Variants in PRKAG2 observed in about 807,000 individuals in gnomAD.
PRKAG2 encodes protein kinase AMP-activated non-catalytic subunit gamma 2.
A neutral mutation model predicts 69.6 loss-of-function variants in PRKAG2; 26 were observed. The observed-to-expected ratio is 0.37, with a 90% CI of 0.27 to 0.52. The LOEUF (loss-of-function observed/expected upper bound fraction) is 0.52, where lower values mean the gene tolerates loss of function less well. PRKAG2 is among the 20% of genes least tolerant of loss of function. PRKAG2 has a pLI of 0.90. For synonymous variants in PRKAG2, 293 were observed against 285.0 expected, an observed-to-expected ratio of 1.03 and a Z score of -0.28; for missense variants, 557 against 740.0, an observed-to-expected ratio of 0.75 and a Z score of 2.87.
At chr7:151,830,787 C>CAG (rs2079006893) in intron 1 of PRKAG2, among the ~76,000 whole-genome samples, 2 of 114,422 alleles carry the variant, frequency 1.7e-5, no homozygotes, top group African/African-American at 7.6e-5. Context: ...GGGGGCGGGG[C>CAG]GGGGGGGGGT....
At chr7:151,765,292 A>G (rs1314322546) in intron 3 of PRKAG2, among the ~76,000 whole-genome samples, 1 of 152,246 alleles carries the variant, frequency 6.6e-6, no homozygotes, top group Non-Finnish European at 1.5e-5. Flanking sequence ...CAGGAAGGAA[A>G]GAGTGAAGGG....
chr7:151,861,301 C>G (rs188708745), intron 1 of PRKAG2, among the ~76,000 whole-genome samples: 1 of 152,034 alleles, frequency 6.6e-6, no homozygotes, highest in Non-Finnish European at 1.5e-5. Context: ...GAGGCTGAGG[C>G]GGGTGCATCA....
chr7:151,645,907 G>T (rs1223115696), intron 4 of PRKAG2, among the ~76,000 whole-genome samples: 2 of 152,118 alleles, frequency 1.3e-5, no homozygotes, highest in Admixed American at 6.5e-5. Flanking sequence ...AAGGGTTGAG[G>T]TTCATATTTT....
intron 11 of PRKAG2, among the ~76,000 whole-genome samples, chr7:151,566,394 T>C (rs530051959): frequency 6.6e-6 from 1 of 152,274 alleles, no homozygotes; most frequent in African/African-American, 2.4e-5. Flanking sequence ...TGAATTCTCC[T>C]TGGAGAGCTC....
intron 1 of PRKAG2, among the ~76,000 whole-genome samples, chr7:151,862,486 C>G (rs901837799): frequency 3.3e-5 from 5 of 152,160 alleles, no homozygotes; most frequent in African/African-American, 1.2e-4. Context: ...AAAGACGGCC[C>G]CCATTTTCTT....
intron 3 of PRKAG2, among the ~76,000 whole-genome samples, chr7:151,717,537 C>T (rs1796371437): frequency 6.6e-6 from 1 of 152,178 alleles, no homozygotes; most frequent in African/African-American, 2.4e-5. Flanking sequence ...AAACAGGTGG[C>T]TCCAGATGCC....
chr7:151,740,288 G>A (rs987200853), intron 3 of PRKAG2, among the ~76,000 whole-genome samples: 2 of 152,174 alleles, frequency 1.3e-5, no homozygotes, highest in Non-Finnish European at 2.9e-5. Flanking sequence ...GGGTTGCTCT[G>A]GCCTTGCTGT....
chr7:151,728,664 C>T (rs1021057663), intron 3 of PRKAG2, among the ~76,000 whole-genome samples: 1 of 152,198 alleles, frequency 6.6e-6, no homozygotes, highest in African/African-American at 2.4e-5. Flanking sequence ...CGCTGCAGTC[C>T]TGGAATTGTT....
chr7:151,673,436 T>A (rs1426299038), intron 4 of PRKAG2, among the ~76,000 whole-genome samples: 2 of 152,148 alleles, frequency 1.3e-5, no homozygotes, highest in Non-Finnish European at 2.9e-5. Context: ...TTCTCCCTCC[T>A]GTAGGGCCGA....
chr7:151,606,729 G>A (rs1563241882), intron 5 of PRKAG2, among the ~76,000 whole-genome samples: 4 of 152,022 alleles, frequency 2.6e-5, no homozygotes, highest in Admixed American at 6.6e-5. Flanking sequence ...CTGAGGTAGA[G>A]GAACGGCTGG....
intron 3 of PRKAG2, among the ~76,000 whole-genome samples, chr7:151,717,475 A>T (rs1796365264): frequency 6.6e-6 from 1 of 152,202 alleles, no homozygotes; most frequent in Non-Finnish European, 1.5e-5. Context: ...TTTCTGGAGA[A>T]ACGCCAGGTG....
chr7:151,640,027 T>G (rs1014657863), intron 4 of PRKAG2, among the ~76,000 whole-genome samples: 1 of 152,162 alleles, frequency 6.6e-6, no homozygotes, highest in African/African-American at 2.4e-5. Flanking sequence ...AAATGTAGTC[T>G]TGGCCAGGCA....
intron 1 of PRKAG2, among the ~76,000 whole-genome samples, chr7:151,801,661 T>C (rs1586599188): frequency 1.3e-5 from 2 of 152,208 alleles, no homozygotes; most frequent in Non-Finnish European, 1.5e-5. Flanking sequence ...GGTTTTCTTA[T>C]TTTTGGTGTT....
intron 1 of PRKAG2, among the ~76,000 whole-genome samples, chr7:151,794,467 G>A (rs905262911): frequency 2.0e-5 from 3 of 152,264 alleles, no homozygotes; most frequent in East Asian, 3.8e-4. Flanking sequence ...ACCAGAGGAC[G>A]TCATCAAAGG....
At chr7:151,655,066 T>C (rs536075970) in intron 4 of PRKAG2, among the ~76,000 whole-genome samples, 210 of 152,336 alleles carry the variant, frequency 1.4e-3, no homozygotes, top group Middle Eastern at 0.01. Flanking sequence ...GGGACTCAAA[T>C]GACAAGTATT....
rs904765791 is a variant in PRKAG2, at chr7:151,876,671, T to A, written c.-51A>T. The A allele has an allele frequency of 6.5e-7, 1 of 1,547,436 alleles. No individual in the cohort carries two copies. The highest frequency in any genetic ancestry group is 1.4e-5 in the African/African-American group (1 of 73,670). On this transcript the variant is annotated 5_prime_UTR_variant, in exon 1 of 16. Coordinates refer to ENST00000287878, the MANE Select transcript of PRKAG2 (RefSeq NM_016203.4). ...GAAACTCCTCGGGGGTTCGGTCCCC[T>A]CCTTCCCTCCCCCGGCCGCTGCCTT...
At chr7:151,792,306 A>T (rs756667536) in intron 1 of PRKAG2, among the ~76,000 whole-genome samples, 7 of 152,230 alleles carry the variant, frequency 4.6e-5, no homozygotes, top group Non-Finnish European at 1.0e-4. Flanking sequence ...TGCAAGGAAC[A>T]GGAAAGTCTA....
At chr7:151,867,659 CT>C (rs1013331849) in intron 1 of PRKAG2, among the ~76,000 whole-genome samples, 1 of 152,038 alleles carries the variant, frequency 6.6e-6, no homozygotes, top group Non-Finnish European at 1.5e-5. Context: ...GGACTTCGAC[CT>C]TTTTTTTGGA....
Position 151,832,212 on chromosome 7 carries a change from A to AGAGGAGGGGAGGAGGG in PRKAG2, c.114+44279_114+44294dup, listed in dbSNP as rs1223412651. Among the ~76,000 whole-genome samples the AGAGGAGGGGAGGAGGG allele has an allele frequency of 8.6e-5, 10 of 115,804 alleles. 1 individual carries two copies. Among genetic ancestry groups the AGAGGAGGGGAGGAGGG allele is most frequent in the African/African-American group, 3.3e-4 (10 of 30,632 alleles). 76.0% of individuals were successfully genotyped at this position (115,804 alleles called of 152,430 possible). A position where few individuals can be genotyped will look rare whatever the true frequency, so the allele number is the denominator to read the frequency against. ...CACTAGTGACTGATTAGAGGGAGGA[A>AGAGGAGGGGAGGAGGG]GAGGAGGGGAGGAGGGAAGGAGAGG... On this transcript the variant is annotated intron_variant, in intron 1 of 15. Transcript: ENST00000287878.
Sources: allele counts gnomAD v4.1 joint callset (sites outside exome capture counted in the v4.1 genomes callset), GRCh38; gene constraint gnomAD v4.1.1; transcripts MANE v1.5; gene names NCBI Gene and HGNC (gene_info 2026-07-23, HGNC 2026-07-21).